Variants in SNX29 observed in about 807,000 individuals in gnomAD.
The protein encoded by SNX29 is sorting nexin-29.
SNX29 carries 78 observed loss-of-function variants against 102.1 expected under a neutral mutation model. That is an observed-to-expected ratio of 0.76 (90% CI 0.64 to 0.92). SNX29 has a LOEUF of 0.92. Among genes scored for constraint, SNX29 ranks in the 40% least tolerant of loss-of-function variants. The pLI is 0.00. For synonymous variants in SNX29, 580 were observed against 414.5 expected (o/e 1.40, Z -4.85); for missense variants, 1,280 against 1,061.7 (o/e 1.21, Z -2.86).
chr16:12,336,411 C>T (rs559868972), intron 15 of SNX29, among the ~76,000 whole-genome samples: 7 of 152,292 alleles, frequency 4.6e-5, no homozygotes, highest in East Asian at 3.9e-4. Context: ...TGTCTGTCAC[C>T]GTGTTGTTGA....
chr16:12,403,371 C>G, intron 17 of SNX29, 77 bp from the exon 18 acceptor site: 1 of 1,438,462 alleles, frequency 7.0e-7, no homozygotes, highest in Non-Finnish European at 9.5e-7. Flanking sequence ...AAATTGTCTC[C>G]TTTCCTCTTT....
chr16:12,305,654 G>A (rs1273322778), intron 15 of SNX29, among the ~76,000 whole-genome samples: 2 of 152,152 alleles, frequency 1.3e-5, no homozygotes, highest in African/African-American at 4.8e-5. Flanking sequence ...TATTTATCAT[G>A]ATTACTGAGC....
At chr16:12,188,947 G>A (rs1045559877) in intron 13 of SNX29, among the ~76,000 whole-genome samples, 2 of 152,182 alleles carry the variant, frequency 1.3e-5, no homozygotes, top group Admixed American at 1.3e-4. Context: ...TTTCTGAACA[G>A]GGTTATGAGC....
rs975530658 is a variant in SNX29, at chr16:12,571,380, C to T, written c.*2751C>T. The T allele has an allele frequency of 1.3e-5, 3 of 231,568 alleles. No individual in the cohort carries two copies. Among genetic ancestry groups the T allele is most frequent in the Non-Finnish European group, 2.6e-5 (3 of 117,186 alleles). 14.3% of individuals were successfully genotyped at this position (231,568 alleles called of 1,614,324 possible). On this transcript the variant is annotated 3_prime_UTR_variant, in exon 21 of 21. Coordinates refer to ENST00000566228, the MANE Select transcript of SNX29 (RefSeq NM_032167.5). ...CCTTATCCATGAGTGGCGAAGACACCCCTGAGGAAAGGATTGCTTGCACCT... is the reference window on the plus strand; with the variant it reads ...CCTTATCCATGAGTGGCGAAGACACTCCTGAGGAAAGGATTGCTTGCACCT...
intron 20 of SNX29, among the ~76,000 whole-genome samples, chr16:12,534,279 G>T (rs748522588): frequency 6.6e-6 from 1 of 152,230 alleles, no homozygotes; most frequent in African/African-American, 2.4e-5. Flanking sequence ...CACACCTGCC[G>T]TCTTTCTCCG....
At chr16:12,282,380 C>T (rs572460803) in intron 15 of SNX29, among the ~76,000 whole-genome samples, 26 of 152,324 alleles carry the variant, frequency 1.7e-4, no homozygotes, top group African/African-American at 5.3e-4. Context: ...GGGAAAAGCA[C>T]ATCTTGTCTG....
At chr16:12,317,832 A>G (rs1567431927) in intron 15 of SNX29, among the ~76,000 whole-genome samples, 1 of 152,208 alleles carries the variant, frequency 6.6e-6, no homozygotes, top group Non-Finnish European at 1.5e-5. Context: ...TGGTGATGCT[A>G]ATGACTCCCC....
At chr16:12,551,853 G>A (rs1429484341) in intron 20 of SNX29, among the ~76,000 whole-genome samples, 1 of 152,122 alleles carries the variant, frequency 6.6e-6, no homozygotes. Flanking sequence ...GGGGACACAG[G>A]AGCAGGCAGG....
At chr16:12,565,400 C>T (rs2078956185) in intron 20 of SNX29, among the ~76,000 whole-genome samples, 1 of 151,686 alleles carries the variant, frequency 6.6e-6, no homozygotes, top group Non-Finnish European at 1.5e-5. Flanking sequence ...GTCATCCACT[C>T]AACTTGTCCC....
chr16:12,207,487 G>A (rs866411242), intron 14 of SNX29, among the ~76,000 whole-genome samples: 4 of 152,156 alleles, frequency 2.6e-5, no homozygotes, highest in Non-Finnish European at 5.9e-5. Flanking sequence ...GCAAGAATCC[G>A]CTGTGGGTGT....
At chr16:12,315,526 A>C (rs2151152786) in intron 15 of SNX29, among the ~76,000 whole-genome samples, 1 of 152,304 alleles carries the variant, frequency 6.6e-6, no homozygotes, top group Non-Finnish European at 1.5e-5. Context: ...AGATAGGGCC[A>C]TTAAGGAGGT....
At position 12,571,975 on chromosome 16, in the gene SNX29, C is replaced by T. The variant is rs923240061; in HGVS notation, c.*3346C>T. 19 of 1,061,670 alleles carry T rather than the reference C, an allele frequency of 1.8e-5. No homozygotes were observed. In the East Asian group the frequency reaches 3.1e-4, roughly 17 times the overall value. 65.8% of individuals were successfully genotyped at this position (1,061,670 alleles called of 1,614,324 possible). ...GGCTCTTACAGTCTATGGTGGTAGC[C>T]ATCTTCACATCCAGTCACCAGTTGC... is the stretch of plus-strand genomic sequence containing the variant. On this transcript the variant is annotated 3_prime_UTR_variant, in exon 21 of 21. Coordinates refer to ENST00000566228, the MANE Select transcript of SNX29 (RefSeq NM_032167.5).
chr16:12,273,733 A>G (rs1321249624), intron 14 of SNX29, among the ~76,000 whole-genome samples: 1 of 152,096 alleles, frequency 6.6e-6, no homozygotes, highest in African/African-American at 2.4e-5. Context: ...TCATGCCCCA[A>G]AGAAGCCTGA....
intron 15 of SNX29, among the ~76,000 whole-genome samples, chr16:12,322,669 G>T (rs185750575): frequency 6.6e-6 from 1 of 151,928 alleles, no homozygotes; most frequent in Non-Finnish European, 1.5e-5. Flanking sequence ...CAGTCACTGG[G>T]GACTACCATT....
At chr16:11,989,132 C>G (rs2150981921) in intron 1 of SNX29, among the ~76,000 whole-genome samples, 1 of 152,228 alleles carries the variant, frequency 6.6e-6, no homozygotes, top group Non-Finnish European at 1.5e-5. Context: ...GCCATCATGC[C>G]TGGCTAATTT....
intron 13 of SNX29, among the ~76,000 whole-genome samples, chr16:12,191,376 G>C (rs2076638483): frequency 6.6e-6 from 1 of 152,146 alleles, no homozygotes; most frequent in Admixed American, 6.5e-5. Context: ...GTGAGTCCCA[G>C]CTCTGCCACT....
intron 18 of SNX29, among the ~76,000 whole-genome samples, chr16:12,423,852 G>A (rs746300568): frequency 2.6e-5 from 4 of 152,196 alleles, no homozygotes; most frequent in African/African-American, 9.6e-5. Context: ...GATTACAGGC[G>A]TGAGCTACCG....
intron 15 of SNX29, among the ~76,000 whole-genome samples, chr16:12,327,282 T>C (rs1328652159): frequency 6.6e-6 from 1 of 152,168 alleles, no homozygotes; most frequent in Non-Finnish European, 1.5e-5. Context: ...TCAGCCTTTG[T>C]AGCAGGATGG....
chr16:12,516,793 G>A lies in SNX29; in HGVS notation c.2179-7909G>A, dbSNP rs200003635. Among the ~76,000 whole-genome samples the A allele has an allele frequency of 9.2e-5, 14 of 152,306 alleles. No homozygotes were observed. In the East Asian group the frequency reaches 2.3e-3, roughly 25 times the overall value. On this transcript the variant is annotated intron_variant, in intron 19 of 20. Coordinates refer to ENST00000566228, the MANE Select transcript of SNX29 (RefSeq NM_032167.5). ...CGGCTCCTGGGGAGGGGCCCACTGGGGAGCGGGACATGCGTTGCAAAGACA... is the reference window on the plus strand; with the variant it reads ...CGGCTCCTGGGGAGGGGCCCACTGGAGAGCGGGACATGCGTTGCAAAGACA...
Sources: allele counts gnomAD v4.1 joint callset (sites outside exome capture counted in the v4.1 genomes callset), GRCh38; gene constraint gnomAD v4.1.1; transcripts MANE v1.5; gene names NCBI Gene and HGNC (gene_info 2026-07-23, HGNC 2026-07-21).